The following COL1A2 variants were observed in gnomAD, a reference collection of about 807,000 sequenced individuals.
COL1A2 encodes the protein collagen type I alpha 2 chain.
COL1A2 carries 49 observed loss-of-function variants against 174.3 expected under a neutral mutation model. The ratio of observed to expected loss-of-function variants is 0.28; its 90% CI spans 0.22 to 0.36. COL1A2 has a LOEUF of 0.36. COL1A2 is among the 10% of genes least tolerant of loss of function. COL1A2 has a pLI of 1.00. For synonymous variants in COL1A2, 655 were observed against 606.6 expected (o/e 1.08, Z -1.17); for missense variants, 1,438 against 1,822.7 (o/e 0.79, Z 3.84).
intron 26 of COL1A2, 59 bp from the exon 27 acceptor site, chr7:94,413,631 G>C: frequency 6.7e-7 from 1 of 1,501,954 alleles, no homozygotes; most frequent in Non-Finnish European, 9.3e-7. Context: ...GAGGCTTTGA[G>C]ACATCTTAAA....
rs528111752 is a variant in COL1A2, at chr7:94,428,315, C to T, written c.3549C>T (p.Asn1183=). 1 of 1,614,036 alleles carries T rather than the reference C, an allele frequency of 6.2e-7. No individual in the cohort carries two copies. Among genetic ancestry groups the T allele is most frequent in the Non-Finnish European group, 8.5e-7 (1 of 1,179,934 alleles). Reference sequence around the variant, plus strand: ...AAGGTTACTACTGGATTGACCCTAACCAAGGATGCACTATGGATGCTATCA... The same window carrying T: ...AAGGTTACTACTGGATTGACCCTAATCAAGGATGCACTATGGATGCTATCA... ...WSSGYYWIDP[N]QGCTMDAIKV... The change falls in exon 50 of 52, where the codon AAC becomes AAT. Residue 1183 remains asparagine (N), a synonymous_variant. Transcript: ENST00000297268.
intron 12 of COL1A2, 70 bp from the exon 13 acceptor site, chr7:94,407,777 G>A: frequency 7.1e-7 from 1 of 1,404,922 alleles, no homozygotes; most frequent in South Asian, 1.2e-5. Context: ...AAAAAATAGA[G>A]TAAAATTGCA....
At chr7:94,413,869 A>T (rs770077176) in intron 27 of COL1A2, 25 bp from the exon 28 acceptor site, 1 of 1,613,936 alleles carries the variant, frequency 6.2e-7, no homozygotes, top group East Asian at 2.2e-5. Context: ...GTTGCTATTT[A>T]TGCTCTCTTT....
chr7:94,430,017 T>G, intron 51 of COL1A2: 1 of 568,522 alleles, frequency 1.8e-6, no homozygotes, highest in South Asian at 2.1e-5. Flanking sequence ...TGAAATGTTG[T>G]TGGTTTTTTT....
chr7:94,412,780 G>C, intron 25 of COL1A2, 98 bp downstream of exon 25: 1 of 1,090,282 alleles, frequency 9.2e-7, no homozygotes, highest in East Asian at 2.5e-5. Context: ...CAGTCTCAGG[G>C]AGTTTCCTTT....
At chr7:94,422,064 T>TA (rs1792175799) in intron 39 of COL1A2, 112 bp downstream of exon 39, 2 of 844,064 alleles carry the variant, frequency 2.4e-6, no homozygotes, top group Non-Finnish European at 3.8e-6. Flanking sequence ...TATTCGCTAT[T>TA]ACTCTCCTGG....
At chr7:94,423,936 C>T (rs1670722564) in intron 40 of COL1A2, 1 of 246,522 alleles carries the variant, frequency 4.1e-6, no homozygotes, top group Non-Finnish European at 8.0e-6. Flanking sequence ...AGTGTGATTG[C>T]TGGATCTTAT....
At chr7:94,429,875 G>C (rs1584333239) in intron 51 of COL1A2, 1 of 268,576 alleles carries the variant, frequency 3.7e-6, no homozygotes, top group African/African-American at 2.2e-5. Flanking sequence ...ATAAATATAA[G>C]AAAAATTAAA....
chr7:94,412,646 T>A lies in COL1A2; in HGVS notation c.1467T>A (p.Pro489=). 6.2e-7 allele frequency: 1 copy of A among 1,614,126 alleles called. No individual in the cohort carries two copies. The highest frequency in any genetic ancestry group is 8.5e-7 in the Non-Finnish European group (1 of 1,180,024). ...GCCCAGCTGGAGCAAGAGGAGAGCC[T>A]GGCAACATTGGATTCCCTGGACCCA... ...PIGPAGARGE[P]GNIGFPGPKG... is the part of the protein sequence containing the mutation. The change falls in exon 25 of 52, where the codon CCT becomes CCA. Residue 489 remains proline (P), a synonymous_variant. Coordinates refer to ENST00000297268, the MANE Select transcript of COL1A2 (RefSeq NM_000089.4).
chr7:94,420,874 A>T (rs1487618750), intron 37 of COL1A2, 135 bp from the exon 38 acceptor site: 4 of 963,990 alleles, frequency 4.1e-6, no homozygotes, highest in African/African-American at 3.2e-5. Flanking sequence ...ATATTGAAGA[A>T]CATTCTGACA....
intron 30 of COL1A2, among the ~76,000 whole-genome samples, chr7:94,416,167 T>C (rs1420507621): frequency 6.6e-6 from 1 of 152,194 alleles, no homozygotes; most frequent in African/African-American, 2.4e-5. Flanking sequence ...TATTATACTC[T>C]AGAAGCAACG....
At chr7:94,422,201 A>T (rs577435659) in intron 39 of COL1A2, among the ~76,000 whole-genome samples, 1 of 151,866 alleles carries the variant, frequency 6.6e-6, no homozygotes, top group African/African-American at 2.4e-5. Context: ...TTTTGAAAAA[A>T]AAAAAACAAA....
chr7:94,421,104 G>C (rs761826003), intron 38 of COL1A2, 42 bp downstream of exon 38: 1 of 1,604,794 alleles, frequency 6.2e-7, no homozygotes, highest in Non-Finnish European at 8.5e-7. Flanking sequence ...TCTTTTTTCA[G>C]AATCTATTAA....
At position 94,401,632 on chromosome 7, in the gene COL1A2, T is replaced by C. The variant is rs751199493; in HGVS notation, c.279+12T>C. The C allele has an allele frequency of 3.1e-5, 49 of 1,583,718 alleles. No individual in the cohort carries two copies. Among genetic ancestry groups the C allele is most frequent in the Non-Finnish European group, 4.0e-5 (46 of 1,161,084 alleles). On this transcript the variant is annotated intron_variant, in intron 6 of 51. Transcript: ENST00000297268. ...GCCCTGGACCAATGGTATGCTTATC[T>C]GTTTATCTTAGCCAAAAAAATTGCT...
intron 51 of COL1A2, chr7:94,429,698 A>C (rs1316420892): frequency 5.1e-6 from 2 of 389,438 alleles, no homozygotes; most frequent in Non-Finnish European, 9.2e-6. Context: ...TACTATGTCC[A>C]TGCATTGTTT....
intron 28 of COL1A2, 86 bp downstream of exon 28, chr7:94,414,033 C>G: frequency 1.4e-6 from 2 of 1,393,154 alleles, no homozygotes; most frequent in East Asian, 4.6e-5. Context: ...TTCTCCACCA[C>G]AATAAACATG....
intron 33 of COL1A2, among the ~76,000 whole-genome samples, chr7:94,419,180 C>T (rs79051306): frequency 6.6e-6 from 1 of 151,312 alleles, no homozygotes; most frequent in South Asian, 2.1e-4. Context: ...GTAGTTCTAA[C>T]AGTTTCAAAC....
Position 94,406,301 on chromosome 7 carries a change from A to G in COL1A2, c.592A>G (p.Lys198Glu), listed in dbSNP as rs1791795033. The part of the protein sequence containing the change: ...LKGQPGAPGV[K>E]GEPGAPGENG... ...GGGACAGCCCGGTGCTCCTGGTGTG[A>G]AGGTAAATATTAAATTAGAAGCACT... The change falls in exon 12 of 52, where the codon AAG (lysine) becomes GAG (glutamate). Residue 198 changes from lysine to glutamate, a missense_variant and splice_region_variant. Around this residue, in one of 3 missense-constraint regions of COL1A2, gnomAD observed 281 missense variants for 310.9 expected, o/e 0.90. Coordinates refer to ENST00000297268, the MANE Select transcript of COL1A2 (RefSeq NM_000089.4). 6.2e-7 allele frequency: 1 copy of G among 1,613,914 alleles called. No individual in the cohort carries two copies. Among genetic ancestry groups the G allele is most frequent in the Non-Finnish European group, 8.5e-7 (1 of 1,179,806 alleles).
intron 37 of COL1A2, 67 bp from the exon 38 acceptor site, chr7:94,420,942 T>G (rs1050736278): frequency 2.1e-6 from 3 of 1,446,334 alleles, no homozygotes; most frequent in Non-Finnish European, 2.9e-6. Context: ...ATGATCCACT[T>G]GAAGAAAAGA....
Sources: gnomAD v4.1 joint callset for allele counts (sites outside exome capture counted in the v4.1 genomes callset) on GRCh38, gnomAD v4.1.1 for gene constraint, gnomAD v4.1.1 regional missense constraint, MANE v1.5 for transcripts, NCBI Gene and HGNC (gene_info 2026-07-23, HGNC 2026-07-21) for gene names.